Variants in CNTN5 observed in about 807,000 individuals in gnomAD.
CNTN5 encodes contactin-5.
Under a neutral mutation model 129.1 loss-of-function variants are expected in CNTN5, and 77 were observed. The ratio of observed to expected loss-of-function variants is 0.60; its 90% CI spans 0.50 to 0.72. CNTN5 has a LOEUF of 0.72. Ranked by LOEUF, CNTN5 falls within the 30% of genes least tolerant of loss-of-function variation. The pLI is 0.00. For missense variants in CNTN5, 1,478 were observed against 1,328.8 expected (o/e 1.11, Z -1.75); for synonymous variants, 509 against 465.6 (o/e 1.09, Z -1.20).
chr11:99,626,308 A>G (rs1028885389), intron 3 of CNTN5, among the ~76,000 whole-genome samples: 15 of 151,762 alleles, frequency 9.9e-5, no homozygotes, highest in Non-Finnish European at 1.9e-4. Context: ...GACTTGGTAA[A>G]GAGGTTTTAA....
At chr11:99,698,674 A>T (rs187642526) in intron 3 of CNTN5, among the ~76,000 whole-genome samples, 288 of 151,688 alleles carry the variant, frequency 1.9e-3, no homozygotes, top group Middle Eastern at 0.01. Flanking sequence ...TGACAAACCA[A>T]TACTCCCATT....
At chr11:99,997,787 C>T (rs1218433249) in intron 8 of CNTN5, among the ~76,000 whole-genome samples, 1 of 152,078 alleles carries the variant, frequency 6.6e-6, no homozygotes, top group Non-Finnish European at 1.5e-5. Context: ...TCCAGCAGCA[C>T]ATCAAAAAGC....
Position 100,074,294 on chromosome 11 carries a change from G to A in CNTN5, c.1580G>A (p.Arg527Lys), listed in dbSNP as rs1944040469. The change falls in exon 13 of 25, where the codon AGA (arginine) becomes AAA (lysine). Residue 527 changes from arginine (R) to lysine (K), a missense_variant and splice_region_variant. By Grantham distance (26) the Arg-to-Lys change is conservative. Coordinates refer to ENST00000524871, the MANE Select transcript of CNTN5 (RefSeq NM_014361.4). ...GACAGAGCAGTTAGAGAAAACAAAA[G>A]GTTAGAATCTATTTTATAATTCAAG... The part of the protein sequence containing the change: ...KGDRAVRENK[R>K]IAILPDGSLR... 6.3e-7 allele frequency: 1 copy of A among 1,586,250 alleles called. No homozygotes were observed. The highest frequency in any genetic ancestry group is 1.8e-5 in the Admixed American group (1 of 55,052).
At chr11:100,107,359 G>A (rs1945478320) in intron 13 of CNTN5, among the ~76,000 whole-genome samples, 1 of 151,786 alleles carries the variant, frequency 6.6e-6, no homozygotes. Context: ...GAGGTCAATA[G>A]ACTTAATGAA....
intron 1 of CNTN5, among the ~76,000 whole-genome samples, chr11:99,039,543 C>G (rs1488675289): frequency 6.6e-6 from 1 of 152,026 alleles, no homozygotes; most frequent in Non-Finnish European, 1.5e-5. Context: ...CAAGACTTCC[C>G]CTTGAGATGA....
intron 9 of CNTN5, among the ~76,000 whole-genome samples, chr11:100,023,224 T>C (rs1272785994): frequency 1.3e-5 from 2 of 152,260 alleles, no homozygotes; most frequent in Admixed American, 6.5e-5. Flanking sequence ...TTTTGATAGA[T>C]TCTATTGCTG....
intron 2 of CNTN5, among the ~76,000 whole-genome samples, chr11:99,370,546 A>G (rs1939762489): frequency 6.6e-6 from 1 of 152,214 alleles, no homozygotes; most frequent in South Asian, 2.1e-4. Context: ...TATATTATAG[A>G]AATGTCATAA....
intron 13 of CNTN5, among the ~76,000 whole-genome samples, chr11:100,157,255 AAG>A (rs1485137855): frequency 1.3e-5 from 2 of 151,926 alleles, no homozygotes; most frequent in Non-Finnish European, 2.9e-5. Context: ...CACATACTGA[AAG>A]AGGAAAACAT....
intron 3 of CNTN5, among the ~76,000 whole-genome samples, chr11:99,652,654 C>T (rs1952200632): frequency 6.6e-6 from 1 of 152,038 alleles, no homozygotes; most frequent in African/African-American, 2.4e-5. Flanking sequence ...TCAGAACTTA[C>T]ACATAATTTA....
chr11:99,584,573 C>A (rs1011750475), intron 3 of CNTN5, among the ~76,000 whole-genome samples: 2 of 152,162 alleles, frequency 1.3e-5, no homozygotes, highest in Admixed American at 1.3e-4. Context: ...AATATTAAAT[C>A]TTGTCTCACT....
chr11:99,208,357 T>C (rs1430723706), intron 1 of CNTN5, among the ~76,000 whole-genome samples: 1 of 152,148 alleles, frequency 6.6e-6, no homozygotes, highest in Non-Finnish European at 1.5e-5. Context: ...CAAACCTTAA[T>C]TTCTGGCAAT....
chr11:100,162,701 G>C (rs911340681), intron 13 of CNTN5, among the ~76,000 whole-genome samples: 1 of 151,820 alleles, frequency 6.6e-6, no homozygotes, highest in Non-Finnish European at 1.5e-5. Flanking sequence ...AAACAAACGA[G>C]AGAACTGAAG....
chr11:99,291,563 TATG>T (rs1224503583), intron 1 of CNTN5, among the ~76,000 whole-genome samples: 1 of 151,914 alleles, frequency 6.6e-6, no homozygotes, highest in Non-Finnish European at 1.5e-5. Flanking sequence ...ACATGAAAAA[TATG>T]ATTTGTTAAA....
At chr11:99,287,007 A>T (rs1330674977) in intron 1 of CNTN5, among the ~76,000 whole-genome samples, 1 of 152,198 alleles carries the variant, frequency 6.6e-6, no homozygotes, top group Non-Finnish European at 1.5e-5. Context: ...TACCTTTAAA[A>T]TTCTGAAGAA....
At chr11:99,664,951 C>A (rs962722356) in intron 3 of CNTN5, among the ~76,000 whole-genome samples, 13 of 152,096 alleles carry the variant, frequency 8.5e-5, no homozygotes, top group African/African-American at 3.1e-4. Context: ...TTCCTGGTAG[C>A]ACTAAAGCTG....
chr11:99,646,808 TTA>T (rs776236679), intron 3 of CNTN5, among the ~76,000 whole-genome samples: 2 of 80,490 alleles, frequency 2.5e-5, no homozygotes, highest in Non-Finnish European at 6.5e-5. Context: ...ATGTCAATTC[TTA>T]AAAAAAAAAA....
Position 99,915,912 on chromosome 11 carries a change from T to C in CNTN5, c.578-142T>C, listed in dbSNP as rs78779843. Reference sequence around the variant, plus strand: ...TATTTAAAATTAGATGATGTAGATATATGTTAAAGCCTTCTTGTCACTGAT... The same window carrying C: ...TATTTAAAATTAGATGATGTAGATACATGTTAAAGCCTTCTTGTCACTGAT... On this transcript the variant is annotated intron_variant, in intron 6 of 24. Transcript: ENST00000524871. 9.7e-6 allele frequency: 6 copies of C among 620,596 alleles called. No homozygotes were observed. In the South Asian group the frequency reaches 1.2e-4, roughly 12 times the overall value. The allele number at this position is 620,596 out of a possible 1,614,324, so 38.4% of individuals were successfully genotyped here.
intron 13 of CNTN5, among the ~76,000 whole-genome samples, chr11:100,097,879 A>G (rs1945065314): frequency 1.3e-5 from 2 of 152,128 alleles, no homozygotes; most frequent in Admixed American, 6.6e-5. Flanking sequence ...TGTTATTCCC[A>G]TATATTTCCT....
At chr11:99,523,642 A>AACAGAACAG (rs1947360019) in intron 2 of CNTN5, among the ~76,000 whole-genome samples, 1 of 52,208 alleles carries the variant, frequency 1.9e-5, no homozygotes, top group African/African-American at 7.2e-5. Context: ...AATAGAATAG[A>AACAGAACAG]ATAGAATAGA....
Sources: gnomAD v4.1 joint callset for allele counts (sites outside exome capture counted in the v4.1 genomes callset) on GRCh38, gnomAD v4.1.1 for gene constraint, MANE v1.5 for transcripts, NCBI Gene and HGNC (gene_info 2026-07-23, HGNC 2026-07-21) for gene names.